Variants in PTPRK observed in about 807,000 individuals in gnomAD.
PTPRK encodes the protein protein tyrosine phosphatase receptor type K.
A neutral mutation model predicts 178.0 loss-of-function variants in PTPRK; 75 were observed. That is an observed-to-expected ratio of 0.42 (90% confidence interval 0.35 to 0.51). The LOEUF (loss-of-function observed/expected upper bound fraction) is 0.51, where lower values mean the gene tolerates loss of function less well. PTPRK is among the 20% of genes least tolerant of loss of function. PTPRK has a pLI of 0.02. For synonymous variants in PTPRK, 637 were observed against 620.6 expected (o/e 1.03, Z -0.39); for missense variants, 1,441 against 1,797.8 (o/e 0.80, Z 3.59).
chr6:128,349,692 A>G (rs1166177661), intron 2 of PTPRK, among the ~76,000 whole-genome samples: 1 of 152,196 alleles, frequency 6.6e-6, no homozygotes, highest in Admixed American at 6.5e-5. Context: ...TGTAAAATAC[A>G]TGAAAAATTT....
At chr6:128,448,878 G>C (rs182612975) in intron 1 of PTPRK, among the ~76,000 whole-genome samples, 95 of 152,094 alleles carry the variant, frequency 6.2e-4, no homozygotes, top group African/African-American at 2.3e-3. Flanking sequence ...TTGTTTTTTT[G>C]AGAAAGAGTC....
chr6:128,131,106 TGAAGAGAAAAATCAATTCCCAA>T (rs1316192428), intron 7 of PTPRK, among the ~76,000 whole-genome samples: 1 of 152,168 alleles, frequency 6.6e-6, no homozygotes, highest in Non-Finnish European at 1.5e-5. Context: ...TGTGGTACAT[TGAAGAGAAAAATCAATTCCCAA>T]GAAGCAGTAA....
chr6:128,468,639 A>G (rs934396737), intron 1 of PTPRK, among the ~76,000 whole-genome samples: 3 of 152,142 alleles, frequency 2.0e-5, no homozygotes, highest in Non-Finnish European at 4.4e-5. Flanking sequence ...CAGCAATTCC[A>G]TGACTTCGGT....
intron 2 of PTPRK, among the ~76,000 whole-genome samples, chr6:128,364,155 T>A (rs1368091684): frequency 6.6e-6 from 1 of 152,086 alleles, no homozygotes; most frequent in African/African-American, 2.4e-5. Flanking sequence ...ATCATTCAAT[T>A]TTTATAAAAT....
rs557660991 is a variant in PTPRK at position 128,032,935 on chromosome 6, T to TA, written c.2195-23668dup. On this transcript the variant is annotated intron_variant, in intron 13 of 29. Coordinates refer to ENST00000368226, the MANE Select transcript of PTPRK (RefSeq NM_002844.4). ...TATTTTCTTGAATGACAGATATTTT[T>TA]AAAAAATCATTTTTGGTAACCCAGA... is the stretch of plus-strand genomic sequence containing the variant. Among the ~76,000 whole-genome samples, 567 of 152,268 alleles carry TA rather than the reference T, an allele frequency of 3.7e-3. 5 individuals carry two copies. Among genetic ancestry groups the TA allele is most frequent in the African/African-American group, 0.013 (537 of 41,566 alleles).
At chr6:128,463,741 G>GATTTT in intron 1 of PTPRK, among the ~76,000 whole-genome samples, 1 of 96,882 alleles carries the variant, frequency 1.0e-5, no homozygotes, top group African/African-American at 4.5e-5. Context: ...AATCTTCACG[G>GATTTT]TTTTTTTTTT....
chr6:128,412,594 G>A (rs1051171925), intron 1 of PTPRK, among the ~76,000 whole-genome samples: 5 of 152,204 alleles, frequency 3.3e-5, no homozygotes, highest in Admixed American at 2.6e-4. Context: ...AGAATGGTAG[G>A]CCAGCAGCCT....
chr6:128,388,723 C>T (rs993893762), intron 2 of PTPRK, among the ~76,000 whole-genome samples: 3 of 152,180 alleles, frequency 2.0e-5, no homozygotes, highest in East Asian at 3.8e-4. Context: ...GTTCCTTCAC[C>T]TACAGAATGA....
chr6:128,210,673 G>T (rs556047897), intron 6 of PTPRK, among the ~76,000 whole-genome samples: 1 of 152,032 alleles, frequency 6.6e-6, no homozygotes, highest in East Asian at 1.9e-4. Context: ...TTCATTTAAG[G>T]TCACTTAGAA....
At chr6:127,996,548 T>G (rs527738913) in intron 17 of PTPRK, among the ~76,000 whole-genome samples, 1 of 152,300 alleles carries the variant, frequency 6.6e-6, no homozygotes, top group South Asian at 2.1e-4. Context: ...CTCTGCTCGC[T>G]GCAACCTCAA....
chr6:128,147,641 G>A (rs1796680656), intron 7 of PTPRK, among the ~76,000 whole-genome samples: 1 of 152,132 alleles, frequency 6.6e-6, no homozygotes, highest in Admixed American at 6.6e-5. Context: ...TGTCATTGAT[G>A]TGAGGGTTGG....
At chr6:128,426,692 C>T (rs1265880309) in intron 1 of PTPRK, among the ~76,000 whole-genome samples, 1 of 152,138 alleles carries the variant, frequency 6.6e-6, no homozygotes, top group Non-Finnish European at 1.5e-5. Context: ...GGTCACTTAT[C>T]TTGTCATTTG....
At chr6:128,175,689 T>C (rs375969491) in intron 7 of PTPRK, among the ~76,000 whole-genome samples, 1 of 151,864 alleles carries the variant, frequency 6.6e-6, no homozygotes, top group South Asian at 2.1e-4. Flanking sequence ...ACAATAGTTT[T>C]GTAAACATTC....
intron 6 of PTPRK, among the ~76,000 whole-genome samples, chr6:128,185,028 G>A (rs1418076429): frequency 6.6e-6 from 1 of 152,082 alleles, no homozygotes; most frequent in Non-Finnish European, 1.5e-5. Flanking sequence ...GATATGGATA[G>A]CTCTAATTAG....
intron 7 of PTPRK, among the ~76,000 whole-genome samples, chr6:128,136,001 G>A (rs1252582361): frequency 2.6e-5 from 4 of 152,070 alleles, no homozygotes; most frequent in Non-Finnish European, 5.9e-5. Flanking sequence ...CTCTGAATGT[G>A]ACTTCATTTG....
intron 13 of PTPRK, chr6:128,062,559 C>T (rs1205870536): frequency 6.0e-6 from 1 of 167,042 alleles, no homozygotes; most frequent in African/African-American, 2.4e-5. Context: ...ATACATATTT[C>T]ATTCATAACT....
At chr6:128,302,753 T>A (rs1274118628) in intron 3 of PTPRK, among the ~76,000 whole-genome samples, 1 of 152,192 alleles carries the variant, frequency 6.6e-6, no homozygotes, top group African/African-American at 2.4e-5. Context: ...TGAACCCTTT[T>A]CATACTCTGT....
intron 1 of PTPRK, among the ~76,000 whole-genome samples, chr6:128,485,013 T>C (rs906253393): frequency 6.6e-6 from 1 of 152,204 alleles, no homozygotes; most frequent in Non-Finnish European, 1.5e-5. Flanking sequence ...CTGAGGTCTC[T>C]GAACCCACAA....
chr6:128,242,816 C>G (rs189343907), intron 3 of PTPRK, among the ~76,000 whole-genome samples: 5 of 152,256 alleles, frequency 3.3e-5, no homozygotes, highest in Admixed American at 3.3e-4. Flanking sequence ...AGAGGTTAAG[C>G]AGCTTAAATT....
Sources: allele counts gnomAD v4.1 joint callset (sites outside exome capture counted in the v4.1 genomes callset), GRCh38; gene constraint gnomAD v4.1.1; transcripts MANE v1.5; gene names NCBI Gene and HGNC (gene_info 2026-07-23, HGNC 2026-07-21).